Variants in CHRNA1 observed in about 807,000 individuals in gnomAD.
CHRNA1 encodes acetylcholine receptor subunit alpha.
A neutral mutation model predicts 47.1 loss-of-function variants in CHRNA1; 35 were observed. The ratio of observed to expected loss-of-function variants is 0.74; its 90% confidence interval spans 0.57 to 0.99. The LOEUF (loss-of-function observed/expected upper bound fraction) is 0.99, where lower values mean the gene tolerates loss of function less well. CHRNA1 is among the 50% of genes least tolerant of loss of function. CHRNA1 has a pLI of 0.00. For missense variants in CHRNA1, 506 were observed against 591.1 expected (o/e 0.86, Z 1.49); for synonymous variants, 229 against 223.6 (o/e 1.02, Z -0.22).
chr2:174,763,640 G>A (rs1296870394), intron 1 of CHRNA1, among the ~76,000 whole-genome samples: 1 of 152,074 alleles, frequency 6.6e-6, no homozygotes, highest in Non-Finnish European at 1.5e-5. Flanking sequence ...ATTCAGGATG[G>A]TGTTTCAGCT....
chr2:174,747,885 T>G lies in CHRNA1; in HGVS notation c.*239A>C. 2.0e-6 allele frequency: 1 copy of G among 500,278 alleles called. No homozygotes were observed. The highest frequency in any genetic ancestry group is 1.9e-5 in the African/African-American group (1 of 51,460). 31.0% of individuals were successfully genotyped at this position (500,278 alleles called of 1,614,324 possible). A position where few individuals can be genotyped will look rare whatever the true frequency, so the allele number is the denominator to read the frequency against. ...GGAAATGAACACTTTTTTTAGTGAT[T>G]AGTTTCATTTACTAAAGAGGGTTCA... On this transcript the variant is annotated 3_prime_UTR_variant, in exon 9 of 9. Transcript: ENST00000348749.
Position 174,764,354 on chromosome 2 carries a change from G to A in CHRNA1, c.41C>T (p.Ser14Leu). Reference sequence around the variant, plus strand: ...CCACCCCTGACCCCAGCACTTACCTGAGCAAAGGCTAAAGAGCAGGAGGAG... The same window carrying A: ...CCACCCCTGACCCCAGCACTTACCTAAGCAAAGGCTAAAGAGCAGGAGGAG... ...WPLLLLFSLC[S>L]AGLVLGSEHE... is the part of the protein sequence containing the mutation. The change falls in exon 1 of 9, where the codon TCA becomes TTA. Residue 14 changes from serine to leucine, a missense_variant and splice_region_variant. Physicochemically the swap from Ser to Leu is moderately radical, Grantham distance 145 (BLOSUM62 -2). Coordinates refer to ENST00000348749, the MANE Select transcript of CHRNA1 (RefSeq NM_000079.4). 6.2e-7 allele frequency: 1 copy of A among 1,613,346 alleles called. No individual in the cohort carries two copies. The highest frequency in any genetic ancestry group is 8.5e-7 in the Non-Finnish European group (1 of 1,179,698).
At chr2:174,753,279 G>T in intron 6 of CHRNA1, 2 of 689,060 alleles carry the variant, frequency 2.9e-6, no homozygotes, top group Non-Finnish European at 5.3e-6. Context: ...CATCTCTAGG[G>T]TCATGTTCAA....
At chr2:174,752,977 T>C (rs925705514) in intron 6 of CHRNA1, 3 of 193,918 alleles carry the variant, frequency 1.5e-5, no homozygotes, top group South Asian at 1.1e-4. Context: ...GTAAGTAAGT[T>C]GTCTAGGCTG....
intron 1 of CHRNA1, 93 bp downstream of exon 1, chr2:174,764,259 G>A: frequency 7.6e-7 from 1 of 1,320,488 alleles, no homozygotes; most frequent in South Asian, 1.3e-5. Context: ...CCATTCTGTG[G>A]TCTCATCAAA....
rs78987947 is a variant in CHRNA1 at position 174,757,330 on chromosome 2, T to A, written c.344+236A>T. On this transcript the variant is annotated intron_variant, in intron 4 of 8. Coordinates refer to ENST00000348749, the MANE Select transcript of CHRNA1 (RefSeq NM_000079.4). ...CTTGGTTTAGAGTGATTTTTTTTTTTAATTTTGTAGAGATGTTGTCTTGCT... is the reference window on the plus strand; with the variant it reads ...CTTGGTTTAGAGTGATTTTTTTTTTAAATTTTGTAGAGATGTTGTCTTGCT... Among the ~76,000 whole-genome samples, 3,046 of 151,952 alleles carry A rather than the reference T, an allele frequency of 0.02. 110 individuals are homozygous for A. The highest frequency in any genetic ancestry group is 0.071 in the African/African-American group (2,919 of 41,372).
chr2:174,749,990 GGT>G lies in CHRNA1; in HGVS notation c.956_957del (p.His319ProfsTer48). On this transcript the variant is annotated frameshift_variant, in exon 7 of 9. Coordinates refer to ENST00000348749, the MANE Select transcript of CHRNA1 (RefSeq NM_000079.4). LOFTEE classifies it high-confidence loss of function. ...ATGACATGGGTGCTGGGTGAGCGGTGGTGTGTGTTGATGACGATGACAGTGAT... is the reference window on the plus strand; with the variant it reads ...ATGACATGGGTGCTGGGTGAGCGGTGGTGTGTTGATGACGATGACAGTGAT... ...IIITVIVINT[H>X]HRSPSTHVMP... 6.2e-7 allele frequency: 1 copy of G among 1,614,116 alleles called. No homozygotes were observed.
intron 6 of CHRNA1, among the ~76,000 whole-genome samples, chr2:174,751,233 G>A (rs1027194538): frequency 2.0e-5 from 3 of 152,076 alleles, no homozygotes; most frequent in African/African-American, 7.2e-5. Context: ...GTTTTGGCTG[G>A]GCAAACTTGG....
rs77703594 is a variant in CHRNA1 at position 174,764,157 on chromosome 2, G to C, written c.43+195C>G. ...GACCAGGCAGTTTCTATTTTAATTA[G>C]ATAAGGCAAACTAAAAATCTTTATC... On this transcript the variant is annotated intron_variant, in intron 1 of 8. Coordinates refer to ENST00000348749, the MANE Select transcript of CHRNA1 (RefSeq NM_000079.4). 0.019 allele frequency among the ~76,000 whole-genome samples: 2,886 copies of C among 152,248 alleles called. 101 individuals carry two copies. Among genetic ancestry groups the C allele is most frequent in the African/African-American group, 0.067 (2,769 of 41,510 alleles).
intron 1 of CHRNA1, 73 bp downstream of exon 1, chr2:174,764,279 C>G: frequency 1.3e-6 from 2 of 1,513,480 alleles, no homozygotes; most frequent in South Asian, 1.2e-5. Flanking sequence ...AGAAGCAAGA[C>G]TTTGATTTGG....
At position 174,747,946 on chromosome 2, in the gene CHRNA1, A is replaced by C; in HGVS notation, c.*178T>G. On this transcript the variant is annotated 3_prime_UTR_variant, in exon 9 of 9. Coordinates refer to ENST00000348749, the MANE Select transcript of CHRNA1 (RefSeq NM_000079.4). ...AGACAGCAGAACTAAAGGGAGAAGC[A>C]ATATGAAAACACTTCAAGGCCATAA... 1.3e-6 allele frequency: 1 copy of C among 741,654 alleles called. No homozygotes were observed. The highest frequency in any genetic ancestry group is 2.2e-6 in the Non-Finnish European group (1 of 445,394). The allele number at this position is 741,654 out of a possible 1,614,324, so 45.9% of individuals were successfully genotyped here.
chr2:174,750,304 C>T lies in CHRNA1; in HGVS notation c.779-135G>A, dbSNP rs11904606. 5,504 of 712,268 alleles carry T rather than the reference C, an allele frequency of 7.7e-3. 250 individuals carry two copies. The African/African-American group carries it at 0.088, about 11-fold the overall frequency. The allele number at this position is 712,268 out of a possible 1,614,324, so 44.1% of individuals were successfully genotyped here. On this transcript the variant is annotated intron_variant, in intron 6 of 8. Transcript: ENST00000348749. ...CTAAGAATGTGACTGTATTTGAAGACAGGGACTTTAAGGAGGTAATTAAAT... is the reference window on the plus strand; with the variant it reads ...CTAAGAATGTGACTGTATTTGAAGATAGGGACTTTAAGGAGGTAATTAAAT...
chr2:174,754,882 C>CTT (rs34233623), intron 4 of CHRNA1, among the ~76,000 whole-genome samples: 2,323 of 120,334 alleles, frequency 0.019, 116 homozygotes, highest in African/African-American at 0.063. Flanking sequence ...GCCTACTACT[C>CTT]TTTTTTTTTT....
In CHRNA1 at chr2:174,750,163, T is replaced by G; in HGVS notation, c.785A>C (p.Lys262Thr). 6.3e-7 allele frequency: 1 copy of G among 1,593,212 alleles called. No homozygotes were observed. Among genetic ancestry groups the G allele is most frequent in the Non-Finnish European group, 8.5e-7 (1 of 1,173,702 alleles). ...VFYLPTDSGE[K>T]MTLSISVLLS... ...TAAGACAGAGATGCTCAGAGTCATC[T>G]TCTCCCCTGAAAAGACCAAAAAAAA... Residue 262 changes from lysine (K) to threonine (T), a missense_variant, in exon 7 of 9, where the codon AAG (lysine) becomes ACG (threonine). By Grantham distance (78) the Lys-to-Thr change is moderately conservative. Transcript: ENST00000348749.
At position 174,750,087 on chromosome 2, in the gene CHRNA1, C is replaced by T. The variant is rs144020157; in HGVS notation, c.861G>A (p.Thr287=). 6.2e-5 allele frequency: 100 copies of T among 1,613,614 alleles called. No homozygotes were observed. In the African/African-American group the frequency reaches 8.6e-4, roughly 14 times the overall value. Residue 287 remains threonine (T), a synonymous_variant, in exon 7 of 9, where the codon ACG becomes ACA. Transcript: ENST00000348749. ...LLVIVELIPS[T]SSAVPLIGKY... ...TTCCAATCAAGGGCACAGCACTGGA[C>T]GTGGAGGGGATCAGCTCCACGATGA...
chr2:174,754,193 C>T (rs1325875134), intron 5 of CHRNA1, 26 bp downstream of exon 5: 3 of 1,610,906 alleles, frequency 1.9e-6, no homozygotes, highest in Non-Finnish European at 2.5e-6. Flanking sequence ...CTGAAACCAC[C>T]CTTATCATAT....
chr2:174,757,330 T>TA (rs3834175), intron 4 of CHRNA1, among the ~76,000 whole-genome samples: 2 of 151,852 alleles, frequency 1.3e-5, no homozygotes, highest in South Asian at 2.1e-4. Flanking sequence ...TTTTTTTTTT[T>TA]AATTTTGTAG....
chr2:174,759,779 T>G, intron 1 of CHRNA1, 146 bp from the exon 2 acceptor site: 2 of 1,069,504 alleles, frequency 1.9e-6, no homozygotes, highest in Non-Finnish European at 2.7e-6. Flanking sequence ...GGCTCCCAAA[T>G]GCAGCAGTTA....
At position 174,747,897 on chromosome 2, in the gene CHRNA1, C is replaced by T. The variant is rs1683762255; in HGVS notation, c.*227G>A. 1 of 541,916 alleles carries T rather than the reference C, an allele frequency of 1.8e-6. No individual in the cohort carries two copies. The highest frequency in any genetic ancestry group is 3.3e-6 in the Non-Finnish European group (1 of 306,152). 33.6% of individuals were successfully genotyped at this position (541,916 alleles called of 1,614,324 possible). A position where few individuals can be genotyped will look rare whatever the true frequency, so the allele number is the denominator to read the frequency against. On this transcript the variant is annotated 3_prime_UTR_variant, in exon 9 of 9. Transcript: ENST00000348749. ...TTTTTTTAGTGATTAGTTTCATTTA[C>T]TAAAGAGGGTTCACTCTTCAGGGAG... is the stretch of plus-strand genomic sequence containing the variant.
Sources: allele counts gnomAD v4.1 joint callset (sites outside exome capture counted in the v4.1 genomes callset), GRCh38; gene constraint gnomAD v4.1.1; transcripts MANE v1.5; gene names NCBI Gene and HGNC (gene_info 2026-07-23, HGNC 2026-07-21).